Variants in GPR173 observed in about 807,000 individuals in gnomAD.
GPR173 encodes the protein G protein-coupled receptor 173, also known as probable G protein-coupled receptor 173.
GPR173 carries 2 observed loss-of-function variants against 13.9 expected under a neutral mutation model. That is an observed-to-expected ratio of 0.14 (90% CI 0.06 to 0.45). The LOEUF is 0.45. Ranked by LOEUF, GPR173 falls within the 20% of genes least tolerant of loss-of-function variation. GPR173 has a pLI of 0.98. For missense variants in GPR173, 202 were observed against 340.5 expected, an observed-to-expected ratio of 0.59 and a Z score of 3.20; for synonymous variants, 131 against 141.0, an observed-to-expected ratio of 0.93 and a Z score of 0.50.
At chrX:53,052,971 T>A (rs1434433947) in intron 1 of GPR173, among the ~76,000 whole-genome samples, 2 of 111,741 alleles carry the variant, frequency 1.8e-5, no homozygotes, top group Non-Finnish European at 3.8e-5. Context: ...TATACCTTTG[T>A]GTCCAAGTCC....
In GPR173 at chrX:53,075,646, G is replaced by A. The variant is rs372912742; in HGVS notation, c.-97-879G>A. On this transcript the variant is annotated intron_variant, in intron 1 of 1. Transcript: ENST00000332582. The stretch of plus-strand genomic sequence containing the variant: ...TAAAATAAAAACCAAAGTCCTCATC[G>A]TGGCCCACAACCCTACACAATCTGG... Among the ~76,000 whole-genome samples the A allele has an allele frequency of 1.1e-4, 12 of 109,028 alleles. No homozygotes were observed. The East Asian group carries it at 2.3e-3, about 21-fold the overall frequency. The allele number at this position is 109,028 out of a possible 115,157, so 94.7% of individuals were successfully genotyped here.
rs1451077631 is a variant in GPR173, at chrX:53,078,850, C to G, written c.*1107C>G. On this transcript the variant is annotated 3_prime_UTR_variant, in exon 2 of 2. Coordinates refer to ENST00000332582, the MANE Select transcript of GPR173 (RefSeq NM_018969.6). ...ACTCCAAGGCACTGTGGACTTGAGT[C>G]CATTCCTATCTGACCTCTTTTTGTC... 1 of 123,326 alleles carries G rather than the reference C, an allele frequency of 8.1e-6. No individual in the cohort carries two copies. The highest frequency in any genetic ancestry group is 1.9e-5 in the Non-Finnish European group (1 of 53,238). The allele number at this position is 123,326 out of a possible 1,213,427, so 10.2% of individuals were successfully genotyped here. A position where few individuals can be genotyped will look rare whatever the true frequency, so the allele number is the denominator to read the frequency against.
chrX:53,059,566 C>T (rs1005468079), intron 1 of GPR173, among the ~76,000 whole-genome samples: 9 of 109,014 alleles, frequency 8.3e-5, no homozygotes, highest in Admixed American at 4.9e-4. Context: ...TCAAGGTGGG[C>T]GGATTGCTTG....
intron 1 of GPR173, among the ~76,000 whole-genome samples, chrX:53,056,056 C>CTGTG (rs1932032044): frequency 9.2e-6 from 1 of 108,676 alleles, no homozygotes; most frequent in Non-Finnish European, 1.9e-5. Flanking sequence ...TGTCTTAATA[C>CTGTG]TGTGTGTGAG....
At position 53,076,575 on chromosome X, in the gene GPR173, C is replaced by T. The variant is rs371859234; in HGVS notation, c.-47C>T. On this transcript the variant is annotated 5_prime_UTR_variant, in exon 2 of 2. Coordinates refer to ENST00000332582, the MANE Select transcript of GPR173 (RefSeq NM_018969.6). ...GAGCCCCCCCGGGCCCATCGAGTAC[C>T]GGACTGGCTGACCCCCTAGGGTTGG... is the stretch of plus-strand genomic sequence containing the variant. 45 of 1,094,429 alleles carry T rather than the reference C, an allele frequency of 4.1e-5. No individual in the cohort carries two copies. Among genetic ancestry groups the T allele is most frequent in the East Asian group, 2.7e-4 (9 of 32,933 alleles). The allele number at this position is 1,094,429 out of a possible 1,213,427, so 90.2% of individuals were successfully genotyped here.
At chrX:53,075,215 G>A (rs1278686081) in intron 1 of GPR173, among the ~76,000 whole-genome samples, 2 of 106,292 alleles carry the variant, frequency 1.9e-5, no homozygotes, top group Admixed American at 1.1e-4. Context: ...CGTTCCCCCT[G>A]CCTGGACTTC....
At chrX:53,074,727 G>GTATTTA (rs1264664769) in intron 1 of GPR173, among the ~76,000 whole-genome samples, 3 of 82,943 alleles carry the variant, frequency 3.6e-5, no homozygotes, top group Non-Finnish European at 6.6e-5. Context: ...TTATTTATTT[G>GTATTTA]TATTTATATA....
At chrX:53,053,348 C>T (rs1298368105) in intron 1 of GPR173, among the ~76,000 whole-genome samples, 2 of 112,487 alleles carry the variant, frequency 1.8e-5, no homozygotes, top group African/African-American at 6.5e-5. Flanking sequence ...TGTCTGTGTC[C>T]ATGTTTGTTC....
rs782014354 is a variant in GPR173 at position 53,077,460 on chromosome X, G to A, written c.839G>A (p.Gly280Asp). The A allele has an allele frequency of 5.8e-6, 7 of 1,210,750 alleles. No individual in the cohort carries two copies. In the South Asian group the frequency reaches 1.1e-4, roughly 18 times the overall value. ...CTACTGGGCATGGACGAGGTCAAGGGTGAAAAGCAGCTGGGCCGCATGTTC... is the reference window on the plus strand; with the variant it reads ...CTACTGGGCATGGACGAGGTCAAGGATGAAAAGCAGCTGGGCCGCATGTTC... ...RRLLGMDEVKGEKQLGRMFYA... is the reference protein window; with the variant it reads ...RRLLGMDEVKDEKQLGRMFYA... The change falls in exon 2 of 2, where the codon GGT becomes GAT. Residue 280 changes from glycine (G) to aspartate (D), a missense_variant. Physicochemically the swap from Gly to Asp is moderately conservative, Grantham distance 94. Coordinates refer to ENST00000332582, the MANE Select transcript of GPR173 (RefSeq NM_018969.6).
chrX:53,052,395 G>T (rs1931969261), intron 1 of GPR173, among the ~76,000 whole-genome samples: 1 of 111,201 alleles, frequency 9.0e-6, no homozygotes, highest in African/African-American at 3.3e-5. Context: ...TAGGTACTTG[G>T]GTGTGCATGT....
intron 1 of GPR173, among the ~76,000 whole-genome samples, chrX:53,072,575 T>C (rs977540686): frequency 6.4e-5 from 7 of 109,844 alleles, no homozygotes; most frequent in Non-Finnish European, 1.3e-4. Context: ...CTCTGTCTCT[T>C]TCTCCCTCCT....
At position 53,076,783 on chromosome X, in the gene GPR173, C is replaced by T; in HGVS notation, c.162C>T (p.His54=). ...SLLVLKERAL[H]KAPYYFLLDL... ...TGGTGCTCAAGGAGCGTGCCCTGCA[C>T]AAGGCTCCTTACTACTTCCTGCTGG... Residue 54 remains histidine, a synonymous_variant, in exon 2 of 2, where the codon CAC becomes CAT. Transcript: ENST00000332582. 2.5e-6 allele frequency: 3 copies of T among 1,210,665 alleles called. No individual in the cohort carries two copies.
At chrX:53,052,579 ACACACATCTGTC>A (rs1931972823) in intron 1 of GPR173, among the ~76,000 whole-genome samples, 1 of 104,299 alleles carries the variant, frequency 9.6e-6, no homozygotes, top group African/African-American at 3.8e-5. Flanking sequence ...ACATATGTCC[ACACACATCTGTC>A]CACACACACA....
intron 1 of GPR173, among the ~76,000 whole-genome samples, chrX:53,063,749 A>G (rs1932156867): frequency 8.9e-6 from 1 of 111,869 alleles, no homozygotes. Flanking sequence ...ACTAAGTCCT[A>G]GGACATGAAC....
chrX:53,055,767 A>G (rs1354070509), intron 1 of GPR173, among the ~76,000 whole-genome samples: 6 of 109,439 alleles, frequency 5.5e-5, no homozygotes, highest in Non-Finnish European at 1.1e-4. Context: ...GTGGATCTCC[A>G]TGGTCTATAT....
At position 53,077,794 on chromosome X, in the gene GPR173, G is replaced by T; in HGVS notation, c.*51G>T. The T allele has an allele frequency of 9.7e-7, 1 of 1,026,722 alleles. No individual in the cohort carries two copies. Among genetic ancestry groups the T allele is most frequent in the Non-Finnish European group, 1.3e-6 (1 of 740,852 alleles). 84.6% of individuals were successfully genotyped at this position (1,026,722 alleles called of 1,213,427 possible). On this transcript the variant is annotated 3_prime_UTR_variant, in exon 2 of 2. Transcript: ENST00000332582. The stretch of plus-strand genomic sequence containing the variant: ...AGAGAAGGTCATGGCCACCGTGATG[G>T]GGCCAACAGCAAGGGAGGGGTAGGG...
intron 1 of GPR173, among the ~76,000 whole-genome samples, chrX:53,052,269 AAC>A (rs202152352): frequency 2.3e-3 from 260 of 110,940 alleles, no homozygotes; most frequent in African/African-American, 8.2e-3. Flanking sequence ...TGCACACAAA[AAC>A]ACACACACAC....
Position 53,077,140 on chromosome X carries a change from G to C in GPR173, c.519G>C (p.Gln173His). ...ACAAGTTTATTCGGGAGGAGGACCA[G>C]TGCATCTTTGAGCATCGCTACTTCA... ...GTYKFIREED[Q>H]CIFEHRYFKA... is the part of the protein sequence containing the mutation. The change falls in exon 2 of 2, where the codon CAG (glutamine) becomes CAC (histidine). Residue 173 changes from glutamine to histidine, a missense_variant. Coordinates refer to ENST00000332582, the MANE Select transcript of GPR173 (RefSeq NM_018969.6). The C allele has an allele frequency of 8.3e-7, 1 of 1,210,063 alleles. No homozygotes were observed. The highest frequency in any genetic ancestry group is 1.1e-6 in the Non-Finnish European group (1 of 894,067).
rs1200690780 is a variant in GPR173, at chrX:53,049,060, G to C, written c.-522G>C. On this transcript the variant is annotated 5_prime_UTR_variant, in exon 1 of 2. Transcript: ENST00000332582. ...GGCGGCGGCCAGCAGGCAGACGGAG[G>C]GGGGGGGTGGGGGGTGGGGGGGGTA... The C allele has an allele frequency of 2.9e-5, 2 of 69,794 alleles. No homozygotes were observed. The highest frequency in any genetic ancestry group is 1.2e-4 in the Admixed American group (1 of 8,223). 5.8% of individuals were successfully genotyped at this position (69,794 alleles called of 1,213,427 possible). A position where few individuals can be genotyped will look rare whatever the true frequency, so the allele number is the denominator to read the frequency against.
Sources: gnomAD v4.1 joint callset for allele counts (sites outside exome capture counted in the v4.1 genomes callset) on GRCh38, gnomAD v4.1.1 for gene constraint, MANE v1.5 for transcripts, NCBI Gene and HGNC (gene_info 2026-07-23, HGNC 2026-07-21) for gene names.